Variants in RFTN2 observed in about 807,000 individuals in gnomAD.
RFTN2 encodes the protein raftlin family member 2, also known as raftlin-2.
A neutral mutation model predicts 52.7 loss-of-function variants in RFTN2; 34 were observed. The ratio of observed to expected loss-of-function variants is 0.64; its 90% CI spans 0.49 to 0.86. The LOEUF is 0.86. RFTN2 is among the 40% of genes least tolerant of loss of function. RFTN2 has a pLI of 0.00. For synonymous variants in RFTN2, 203 were observed against 217.7 expected, an observed-to-expected ratio of 0.93 and a Z score of 0.59; for missense variants, 536 against 600.1, an observed-to-expected ratio of 0.89 and a Z score of 1.12.
At chr2:197,594,667 A>C (rs2087768729) in intron 8 of RFTN2, among the ~76,000 whole-genome samples, 1 of 152,116 alleles carries the variant, frequency 6.6e-6, no homozygotes, top group African/African-American at 2.4e-5. Context: ...CATGAACTTG[A>C]GTCATCCTCA....
intron 1 of RFTN2, among the ~76,000 whole-genome samples, chr2:197,651,784 A>T (rs970603809): frequency 7.2e-5 from 11 of 152,326 alleles, no homozygotes; most frequent in Middle Eastern, 3.4e-3. Context: ...TTAAAAAGGC[A>T]TATACTTTCT....
At chr2:197,576,984 G>T (rs1333703765) in intron 8 of RFTN2, among the ~76,000 whole-genome samples, 1 of 152,222 alleles carries the variant, frequency 6.6e-6, no homozygotes, top group African/African-American at 2.4e-5. Flanking sequence ...TGCTCACTGA[G>T]ATAAATGGAT....
chr2:197,578,347 C>T (rs2106164032), intron 8 of RFTN2, among the ~76,000 whole-genome samples: 1 of 150,468 alleles, frequency 6.6e-6, no homozygotes, highest in Middle Eastern at 3.5e-3. Context: ...CTTAGCACTG[C>T]ACCTCTAAAA....
intron 8 of RFTN2, among the ~76,000 whole-genome samples, chr2:197,580,551 T>A (rs1204712241): frequency 2.0e-5 from 3 of 152,256 alleles, no homozygotes; most frequent in Non-Finnish European, 4.4e-5. Flanking sequence ...GCTCTCTGAC[T>A]GACTTCTTCC....
chr2:197,648,006 G>T (rs2088776877), intron 1 of RFTN2, among the ~76,000 whole-genome samples: 2 of 152,172 alleles, frequency 1.3e-5, no homozygotes, highest in African/African-American at 4.8e-5. Context: ...AAATAGACCT[G>T]CATTTTGATT....
chr2:197,588,495 G>C (rs375134037), intron 8 of RFTN2, among the ~76,000 whole-genome samples: 1 of 152,306 alleles, frequency 6.6e-6, no homozygotes. Flanking sequence ...GGATTACAGA[G>C]GTGAGACACC....
chr2:197,640,318 G>A (rs964210313), intron 3 of RFTN2, among the ~76,000 whole-genome samples: 3 of 152,132 alleles, frequency 2.0e-5, no homozygotes, highest in Non-Finnish European at 4.4e-5. Context: ...GCAATGGCGG[G>A]CGCCCCTCCC....
At chr2:197,577,379 G>A (rs571555383) in intron 8 of RFTN2, among the ~76,000 whole-genome samples, 1 of 152,362 alleles carries the variant, frequency 6.6e-6, no homozygotes, top group South Asian at 2.1e-4. Context: ...TTTGGTGGTT[G>A]TCACGTTTTC....
Position 197,570,229 on chromosome 2 carries a change from A to G in RFTN2, c.*1779T>C, listed in dbSNP as rs1026794813. ...TCAAGTCCATCTAAAAGTCAAAACA[A>G]AAACCATTTCTGCAAATATTGTTGA... is the stretch of plus-strand genomic sequence containing the variant. On this transcript the variant is annotated 3_prime_UTR_variant, in exon 9 of 9. Transcript: ENST00000295049. The G allele has an allele frequency of 6.6e-6, 1 of 152,224 alleles. No homozygotes were observed. Among genetic ancestry groups the G allele is most frequent in the Non-Finnish European group, 1.5e-5 (1 of 68,038 alleles). 9.4% of individuals were successfully genotyped at this position (152,224 alleles called of 1,614,324 possible).
chr2:197,582,843 C>T (rs2087532279), intron 8 of RFTN2, among the ~76,000 whole-genome samples: 1 of 152,194 alleles, frequency 6.6e-6, no homozygotes, highest in Non-Finnish European at 1.5e-5. Flanking sequence ...AATCCCATCG[C>T]TCAGGGCTAT....
chr2:197,669,552 C>T lies in RFTN2; in HGVS notation c.139+5768G>A, dbSNP rs536513468. Among the ~76,000 whole-genome samples the T allele has an allele frequency of 1.0e-3, 159 of 152,228 alleles. 1 individual carries two copies. The highest frequency in any genetic ancestry group is 3.4e-3 in the Middle Eastern group (1 of 294). On this transcript the variant is annotated intron_variant, in intron 1 of 8. Coordinates refer to ENST00000295049, the MANE Select transcript of RFTN2 (RefSeq NM_144629.3). Reference sequence around the variant, plus strand: ...TCTACAGATGTGGGTGGGGAGTGGACGGTTTGAGATGAAACTGTTCCACTT... The same window carrying T: ...TCTACAGATGTGGGTGGGGAGTGGATGGTTTGAGATGAAACTGTTCCACTT...
intron 8 of RFTN2, among the ~76,000 whole-genome samples, chr2:197,578,666 C>G (rs2087457719): frequency 6.6e-6 from 1 of 152,194 alleles, no homozygotes; most frequent in South Asian, 2.1e-4. Context: ...CCCATATCTC[C>G]CTTCACTGAC....
intron 8 of RFTN2, among the ~76,000 whole-genome samples, chr2:197,573,452 G>GA (rs2106158034): frequency 1.3e-5 from 2 of 152,306 alleles, no homozygotes; most frequent in East Asian, 3.9e-4. Context: ...GCATCTGGCA[G>GA]AAAAAATTTC....
chr2:197,662,926 C>A (rs919806971), intron 1 of RFTN2, among the ~76,000 whole-genome samples: 51 of 152,048 alleles, frequency 3.4e-4, no homozygotes, highest in African/African-American at 1.1e-3. Context: ...GCACCTGGCC[C>A]CCTTCCATTT....
At position 197,675,338 on chromosome 2, in the gene RFTN2, G is replaced by A; in HGVS notation, c.121C>T (p.Leu41=). Residue 41 remains leucine, a synonymous_variant, in exon 1 of 9, where the codon CTG becomes TTG. Transcript: ENST00000295049. ...KTEFAYEYVL[L]DFTLQASSNP... ...AAAGTACCTTGTAGAGTAAAATCCA[G>A]CAATACATATTCGTAAGCAAATTCT... The A allele has an allele frequency of 6.2e-7, 1 of 1,600,234 alleles. No homozygotes were observed. The highest frequency in any genetic ancestry group is 8.5e-7 in the Non-Finnish European group (1 of 1,173,642).
chr2:197,613,237 C>T (rs141868793), intron 7 of RFTN2, among the ~76,000 whole-genome samples: 2 of 152,268 alleles, frequency 1.3e-5, no homozygotes, highest in Non-Finnish European at 2.9e-5. Context: ...AGGATTGCGT[C>T]CCAAAACATT....
chr2:197,634,699 ATT>A (rs56902894), intron 3 of RFTN2, among the ~76,000 whole-genome samples: 4 of 141,402 alleles, frequency 2.8e-5, no homozygotes, highest in Admixed American at 7.0e-5. Flanking sequence ...TTTATTTTTT[ATT>A]TTTTTTTTAT....
chr2:197,602,178 G>C (rs1291547355), intron 7 of RFTN2, among the ~76,000 whole-genome samples: 1 of 152,000 alleles, frequency 6.6e-6, no homozygotes, highest in Non-Finnish European at 1.5e-5. Context: ...TGATTCTCCT[G>C]CCTCAGCCTC....
chr2:197,608,544 C>A (rs2087999031), intron 7 of RFTN2, among the ~76,000 whole-genome samples: 1 of 151,442 alleles, frequency 6.6e-6, no homozygotes, highest in South Asian at 2.1e-4. Flanking sequence ...AAACTCCTGA[C>A]CTCAAGTGAT....
Sources: allele counts gnomAD v4.1 joint callset (sites outside exome capture counted in the v4.1 genomes callset), GRCh38; gene constraint gnomAD v4.1.1; transcripts MANE v1.5; gene names NCBI Gene and HGNC (gene_info 2026-07-23, HGNC 2026-07-21).